SUGCT: variants seen among roughly 807,000 people sequenced by gnomAD.
SUGCT encodes the protein succinyl-CoA:glutarate-CoA transferase.
In SUGCT, 41 loss-of-function variants were observed where a neutral mutation model predicts 55.0. The observed-to-expected ratio is 0.74, with a 90% CI of 0.58 to 0.97. The LOEUF (loss-of-function observed/expected upper bound fraction) is 0.97, where lower values mean the gene tolerates loss of function less well. SUGCT is among the 50% of genes least tolerant of loss of function. The pLI, the probability that SUGCT is intolerant of heterozygous loss-of-function variation, is 0.00. For missense variants in SUGCT, 568 were observed against 547.8 expected (o/e 1.04, Z -0.37); for synonymous variants, 187 against 200.4 (o/e 0.93, Z 0.56).
intron 12 of SUGCT, among the ~76,000 whole-genome samples, chr7:40,715,672 G>A (rs867704055): frequency 1.3e-5 from 2 of 152,060 alleles, no homozygotes; most frequent in East Asian, 1.9e-4. Context: ...TGCTGAGTCC[G>A]GATTCCACCT....
chr7:40,237,876 A>T lies in SUGCT; in HGVS notation c.576+150A>T, dbSNP rs1042223115. The T allele has an allele frequency of 4.8e-6, 3 of 630,546 alleles. No homozygotes were observed. In the African/African-American group the frequency reaches 5.5e-5, roughly 12 times the overall value. The allele number at this position is 630,546 out of a possible 1,614,324, so 39.1% of individuals were successfully genotyped here. A position where few individuals can be genotyped will look rare whatever the true frequency, so the allele number is the denominator to read the frequency against. Reference sequence around the variant, plus strand: ...GCCATTGAAATTAATAATTTTAGAAAGAAACCAGGGAAAGTGAATGCTTAT... The same window carrying T: ...GCCATTGAAATTAATAATTTTAGAATGAAACCAGGGAAAGTGAATGCTTAT... On this transcript the variant is annotated intron_variant, in intron 7 of 13. Transcript: ENST00000335693.
intron 6 of SUGCT, among the ~76,000 whole-genome samples, chr7:40,202,795 C>A (rs1377615457): frequency 1.3e-5 from 2 of 152,176 alleles, no homozygotes; most frequent in Non-Finnish European, 2.9e-5. Flanking sequence ...GTTATGATCA[C>A]CTTGTCCTAT....
intron 13 of SUGCT, among the ~76,000 whole-genome samples, chr7:40,783,875 T>C (rs144037692): frequency 1.4e-3 from 218 of 152,292 alleles, no homozygotes; most frequent in South Asian, 8.1e-3. Context: ...CAGGCCTTGA[T>C]GAAATTGGTT....
chr7:40,435,262 T>A (rs976823325), intron 9 of SUGCT, among the ~76,000 whole-genome samples: 3 of 152,204 alleles, frequency 2.0e-5, no homozygotes, highest in Non-Finnish European at 4.4e-5. Context: ...GACATACCTA[T>A]AAATCCTGAT....
chr7:40,852,747 C>T (rs531603451), intron 13 of SUGCT, among the ~76,000 whole-genome samples: 3 of 152,138 alleles, frequency 2.0e-5, no homozygotes, highest in African/African-American at 7.2e-5. Flanking sequence ...CTGCACGTCC[C>T]ATTTAGAAAT....
chr7:40,392,059 T>G (rs1785463848), intron 9 of SUGCT, among the ~76,000 whole-genome samples: 1 of 152,184 alleles, frequency 6.6e-6, no homozygotes, highest in South Asian at 2.1e-4. Flanking sequence ...CTGCATGTTA[T>G]CACTCATAGG....
At chr7:40,680,935 C>A (rs1330348713) in intron 12 of SUGCT, among the ~76,000 whole-genome samples, 1 of 152,160 alleles carries the variant, frequency 6.6e-6, no homozygotes. Context: ...TAAACCTGAA[C>A]AAAATTGTAA....
chr7:40,809,651 C>T (rs928963782), intron 13 of SUGCT, among the ~76,000 whole-genome samples: 2 of 151,994 alleles, frequency 1.3e-5, no homozygotes, highest in Non-Finnish European at 2.9e-5. Context: ...ATTTTAGATT[C>T]AGGGGGTATA....
At chr7:40,832,420 C>T (rs1398266091) in intron 13 of SUGCT, among the ~76,000 whole-genome samples, 6 of 152,086 alleles carry the variant, frequency 3.9e-5, no homozygotes, top group South Asian at 2.1e-4. Context: ...CCAAGAATTA[C>T]GTAATAGGAC....
intron 11 of SUGCT, among the ~76,000 whole-genome samples, chr7:40,494,114 C>A (rs1163692999): frequency 6.6e-6 from 1 of 152,184 alleles, no homozygotes; most frequent in East Asian, 1.9e-4. Context: ...TTCAACTATT[C>A]CCCTGAGTTT....
the SUGCT span, among the ~76,000 whole-genome samples, chr7:41,022,868 G>A: frequency 3.3e-5 from 5 of 152,180 alleles, no homozygotes; most frequent in Admixed American, 6.5e-5. Context: ...ATCAGTATTT[G>A]TCATAAATAT....
At chr7:40,366,735 G>A (rs762170997) in intron 9 of SUGCT, among the ~76,000 whole-genome samples, 50 of 151,926 alleles carry the variant, frequency 3.3e-4, no homozygotes, top group African/African-American at 1.2e-3. Context: ...CCACCAGTTA[G>A]AATGGCAGTC....
intron 12 of SUGCT, among the ~76,000 whole-genome samples, chr7:40,637,583 C>T (rs1048374595): frequency 5.3e-5 from 8 of 152,194 alleles, no homozygotes; most frequent in Non-Finnish European, 1.2e-4. Flanking sequence ...ACACATGGCT[C>T]TCTAGACTGA....
chr7:40,270,009 G>A (rs1791898006), intron 7 of SUGCT, among the ~76,000 whole-genome samples: 2 of 151,732 alleles, frequency 1.3e-5, no homozygotes, highest in East Asian at 3.9e-4. Context: ...GGTGGTGTGC[G>A]CCTGTGGTCC....
chr7:40,222,544 A>G (rs1397201644), intron 6 of SUGCT, among the ~76,000 whole-genome samples: 1 of 152,168 alleles, frequency 6.6e-6, no homozygotes, highest in Admixed American at 6.5e-5. Context: ...CTACTCAGAT[A>G]TTTCTCAAAT....
intron 13 of SUGCT, among the ~76,000 whole-genome samples, chr7:40,847,479 C>T (rs1403046936): frequency 1.5e-5 from 2 of 133,286 alleles, no homozygotes; most frequent in African/African-American, 5.7e-5. Context: ...TGCAGTGGTG[C>T]GATCTCAGCT....
At chr7:40,208,875 T>A (rs1467848132) in intron 6 of SUGCT, among the ~76,000 whole-genome samples, 1 of 152,202 alleles carries the variant, frequency 6.6e-6, no homozygotes, top group African/African-American at 2.4e-5. Flanking sequence ...AAAAGCCCTT[T>A]ATTTTAAGGA....
chr7:40,299,659 A>AG (rs398111269), intron 8 of SUGCT, among the ~76,000 whole-genome samples: 1 of 151,920 alleles, frequency 6.6e-6, no homozygotes, highest in Non-Finnish European at 1.5e-5. Context: ...AAAAAAAAAA[A>AG]TTAATGAACT....
At chr7:41,004,484 A>G in the SUGCT span, among the ~76,000 whole-genome samples, 1 of 152,236 alleles carries the variant, frequency 6.6e-6, no homozygotes, top group African/African-American at 2.4e-5. Flanking sequence ...ACACTGCTGC[A>G]GAACTGGAGC....
Sources: allele counts gnomAD v4.1 joint callset (sites outside exome capture counted in the v4.1 genomes callset), GRCh38; gene constraint gnomAD v4.1.1; transcripts MANE v1.5; gene names NCBI Gene and HGNC (gene_info 2026-07-23, HGNC 2026-07-21).